Variants in PTPRG observed in about 807,000 individuals in gnomAD.
PTPRG encodes protein tyrosine phosphatase receptor type G, also known as receptor-type tyrosine-protein phosphatase gamma.
A neutral mutation model predicts 165.3 loss-of-function variants in PTPRG; 102 were observed. That is an observed-to-expected ratio of 0.62 (90% confidence interval 0.53 to 0.73). The LOEUF (loss-of-function observed/expected upper bound fraction) is 0.73. Among genes scored for constraint, PTPRG ranks in the 30% least tolerant of loss-of-function variants. PTPRG has a pLI of 0.00. For synonymous variants in PTPRG, 675 were observed against 669.5 expected (o/e 1.01, Z -0.13); for missense variants, 1,866 against 1,861.4 (o/e 1.00, Z -0.05).
At chr3:61,992,401 C>G (rs545543338) in intron 3 of PTPRG, among the ~76,000 whole-genome samples, 3 of 152,092 alleles carry the variant, frequency 2.0e-5, no homozygotes, top group Admixed American at 1.3e-4. Flanking sequence ...CTCTGTTGCC[C>G]GGGCTGGAGT....
At chr3:61,681,349 A>G (rs991880022) in intron 1 of PTPRG, among the ~76,000 whole-genome samples, 3 of 152,228 alleles carry the variant, frequency 2.0e-5, no homozygotes, top group African/African-American at 7.2e-5. Flanking sequence ...TAATGATCCA[A>G]TGCTGAAACA....
chr3:62,114,418 G>T (rs192332298), intron 5 of PTPRG, among the ~76,000 whole-genome samples: 1 of 152,170 alleles, frequency 6.6e-6, no homozygotes, highest in Non-Finnish European at 1.5e-5. Flanking sequence ...CAGGTAATCA[G>T]TTGACCATAT....
intron 1 of PTPRG, among the ~76,000 whole-genome samples, chr3:61,649,637 G>A (rs1449730661): frequency 6.6e-6 from 1 of 152,166 alleles, no homozygotes; most frequent in Admixed American, 6.5e-5. Flanking sequence ...CCTACGTTTT[G>A]GAGGAGACAT....
rs555689449 is a variant in PTPRG at position 61,634,065 on chromosome 3, C to T, written c.85+71693C>T. Reference sequence around the variant, plus strand: ...AAGTAGCTGGGATTACAGCAGTGTGCCACCATGTCTGGCTAATTTTTTTTA... The same window carrying T: ...AAGTAGCTGGGATTACAGCAGTGTGTCACCATGTCTGGCTAATTTTTTTTA... On this transcript the variant is annotated intron_variant, in intron 1 of 29. Coordinates refer to ENST00000474889, the MANE Select transcript of PTPRG (RefSeq NM_002841.4). Among the ~76,000 whole-genome samples the T allele has an allele frequency of 2.0e-5, 3 of 152,046 alleles. No homozygotes were observed. In the East Asian group the frequency reaches 5.8e-4, roughly 29 times the overall value.
At chr3:61,699,239 A>G (rs936133644) in intron 1 of PTPRG, among the ~76,000 whole-genome samples, 9 of 151,052 alleles carry the variant, frequency 6.0e-5, no homozygotes, top group East Asian at 1.9e-4. Context: ...TGGCCGTAGG[A>G]AAAAAAAAAT....
intron 12 of PTPRG, among the ~76,000 whole-genome samples, chr3:62,216,838 C>G (rs1038389312): frequency 8.5e-5 from 13 of 152,202 alleles, no homozygotes; most frequent in African/African-American, 2.7e-4. Context: ...CATTCTTGAA[C>G]TCCCACTGAT....
intron 1 of PTPRG, among the ~76,000 whole-genome samples, chr3:61,721,295 G>A (rs763145948): frequency 5.3e-5 from 8 of 152,178 alleles, no homozygotes; most frequent in Non-Finnish European, 7.3e-5. Flanking sequence ...TGATTGTGCT[G>A]TTAACCATTT....
intron 2 of PTPRG, among the ~76,000 whole-genome samples, chr3:61,790,462 A>G (rs755636211): frequency 1.2e-4 from 19 of 152,176 alleles, no homozygotes; most frequent in African/African-American, 3.6e-4. Flanking sequence ...ACCATGTTCT[A>G]TTTTACTGAA....
intron 1 of PTPRG, among the ~76,000 whole-genome samples, chr3:61,746,410 C>T (rs1236250312): frequency 6.6e-6 from 1 of 151,834 alleles, no homozygotes; most frequent in African/African-American, 2.4e-5. Flanking sequence ...AGGATTTCAC[C>T]GTGTTAGCCA....
intron 1 of PTPRG, among the ~76,000 whole-genome samples, chr3:61,675,381 A>G (rs561574267): frequency 6.6e-6 from 1 of 152,302 alleles, no homozygotes; most frequent in Non-Finnish European, 1.5e-5. Flanking sequence ...TTCATTTATG[A>G]TACTAAATTA....
At chr3:61,925,746 A>C in intron 2 of PTPRG, 1 of 371,478 alleles carries the variant, frequency 2.7e-6, no homozygotes, top group East Asian at 7.6e-5. Flanking sequence ...CTATCTTTAA[A>C]AAAAAAAAAA....
intron 1 of PTPRG, among the ~76,000 whole-genome samples, chr3:61,609,004 C>T (rs183314830): frequency 6.6e-6 from 1 of 152,134 alleles, no homozygotes; most frequent in Non-Finnish European, 1.5e-5. Context: ...TGTTTGCCCT[C>T]GATGTGTGAG....
chr3:61,579,218 A>G (rs1341575553), intron 1 of PTPRG, among the ~76,000 whole-genome samples: 2 of 152,214 alleles, frequency 1.3e-5, no homozygotes, highest in Non-Finnish European at 2.9e-5. Context: ...CTACGTTATC[A>G]AGGCAAACCC....
intron 2 of PTPRG, among the ~76,000 whole-genome samples, chr3:61,988,211 G>C (rs754364264): frequency 2.6e-5 from 4 of 152,138 alleles, no homozygotes; most frequent in Non-Finnish European, 5.9e-5. Flanking sequence ...TTAGAGTGAG[G>C]CTGCGGTATT....
chr3:62,114,300 A>C (rs541895963), intron 5 of PTPRG, among the ~76,000 whole-genome samples: 2 of 152,212 alleles, frequency 1.3e-5, no homozygotes, highest in Admixed American at 1.3e-4. Flanking sequence ...CTTTGTCTCA[A>C]ACAAAAACAA....
chr3:61,976,154 A>G (rs886680615), intron 2 of PTPRG, among the ~76,000 whole-genome samples: 11 of 152,208 alleles, frequency 7.2e-5, no homozygotes, highest in Admixed American at 6.5e-4. Flanking sequence ...ATATCTCTTG[A>G]TATTCTCAGA....
At chr3:62,032,435 T>G (rs1699799282) in intron 4 of PTPRG, among the ~76,000 whole-genome samples, 1 of 152,210 alleles carries the variant, frequency 6.6e-6, no homozygotes, top group South Asian at 2.1e-4. Context: ...AATATACTAT[T>G]GTAGGAAATT....
In PTPRG at chr3:62,195,304, C is replaced by T. The variant is rs972865382; in HGVS notation, c.1327+134C>T. On this transcript the variant is annotated intron_variant, in intron 10 of 29. Coordinates refer to ENST00000474889, the MANE Select transcript of PTPRG (RefSeq NM_002841.4). This position sits in a 1 kb window ranked among gnomAD's most constrained non-coding sequence, Gnocchi z 4.4. The stretch of plus-strand genomic sequence containing the variant: ...GAAGAATCAGTGTAGGGTTTTAAAG[C>T]CTATGCGGGAAGCCCTAGTAATTTA... The T allele has an allele frequency of 2.4e-5, 18 of 765,658 alleles. No individual in the cohort carries two copies. Among genetic ancestry groups the T allele is most frequent in the Non-Finnish European group, 3.8e-5 (18 of 473,700 alleles). The allele number at this position is 765,658 out of a possible 1,614,324, so 47.4% of individuals were successfully genotyped here.
chr3:61,802,421 C>T (rs1164886897), intron 2 of PTPRG, among the ~76,000 whole-genome samples: 2 of 152,116 alleles, frequency 1.3e-5, no homozygotes, highest in Non-Finnish European at 2.9e-5. Context: ...TCAAGGGATT[C>T]TGGCCCTGTT....
Sources: gnomAD v4.1 joint callset for allele counts (sites outside exome capture counted in the v4.1 genomes callset) on GRCh38, gnomAD v4.1.1 for gene constraint, Gnocchi (gnomAD v3.1) non-coding constraint, MANE v1.5 for transcripts, NCBI Gene and HGNC (gene_info 2026-07-23, HGNC 2026-07-21) for gene names.